DPP6: variants seen among roughly 807,000 people sequenced by gnomAD.
The protein encoded by DPP6 is dipeptidyl peptidase like 6, also known as A-type potassium channel modulatory protein DPP6.
A neutral mutation model predicts 122.6 loss-of-function variants in DPP6; 69 were observed. The observed-to-expected ratio is 0.56, with a 90% CI of 0.46 to 0.69. The LOEUF (loss-of-function observed/expected upper bound fraction) is 0.69, where lower values mean the gene tolerates loss of function less well. Among genes scored for constraint, DPP6 ranks in the 30% least tolerant of loss-of-function variants. The pLI is 0.00. For synonymous variants in DPP6, 418 were observed against 433.1 expected, an observed-to-expected ratio of 0.97 and a Z score of 0.43; for missense variants, 928 against 1,116.9, an observed-to-expected ratio of 0.83 and a Z score of 2.41.
chr7:153,876,001 T>A, the DPP6 span, among the ~76,000 whole-genome samples: 1 of 149,562 alleles, frequency 6.7e-6, no homozygotes, highest in Non-Finnish European at 1.5e-5. Flanking sequence ...AATTGGCATA[T>A]ATAATTTTGC....
chr7:153,962,474 A>G (rs71545665), intron 1 of DPP6, among the ~76,000 whole-genome samples: 13,033 of 152,066 alleles, frequency 0.086, 753 homozygotes, highest in African/African-American at 0.16. Context: ...CTGGTTAACA[A>G]TCTAAGATCA....
intron 1 of DPP6, among the ~76,000 whole-genome samples, chr7:154,283,178 GTTGTC>G: frequency 6.6e-6 from 1 of 152,090 alleles, no homozygotes; most frequent in Non-Finnish European, 1.5e-5. Flanking sequence ...TGGGATCCCC[GTTGTC>G]TTGTCCTAGG....
chr7:154,719,170 T>C (rs1841665425), intron 7 of DPP6, among the ~76,000 whole-genome samples: 1 of 152,184 alleles, frequency 6.6e-6, no homozygotes, highest in Non-Finnish European at 1.5e-5. Flanking sequence ...GTACAGAGGC[T>C]ACTGTGGCGG....
intron 1 of DPP6, among the ~76,000 whole-genome samples, chr7:154,141,316 T>A (rs142982786): frequency 6.6e-6 from 1 of 152,242 alleles, no homozygotes; most frequent in African/African-American, 2.4e-5. Context: ...AAACACCATA[T>A]GCACCTTACG....
chr7:154,703,936 CAA>C (rs201268829), intron 7 of DPP6, among the ~76,000 whole-genome samples: 19 of 122,662 alleles, frequency 1.5e-4, no homozygotes, highest in Non-Finnish European at 8.8e-5. Flanking sequence ...GACTCTGTCT[CAA>C]AAAAAAAAAA....
At chr7:154,216,260 G>A (rs114465903) in intron 1 of DPP6, among the ~76,000 whole-genome samples, 23 of 152,304 alleles carry the variant, frequency 1.5e-4, no homozygotes, top group South Asian at 4.1e-4. Flanking sequence ...CATCCCCGGC[G>A]GACATGCCCA....
chr7:154,317,590 A>G (rs989175864), intron 1 of DPP6, among the ~76,000 whole-genome samples: 6 of 152,226 alleles, frequency 3.9e-5, no homozygotes, highest in Admixed American at 3.9e-4. Flanking sequence ...GCTAGTGTAT[A>G]TAATTGCATG....
chr7:154,465,419 A>G (rs1821697066), intron 2 of DPP6, among the ~76,000 whole-genome samples: 1 of 152,220 alleles, frequency 6.6e-6, no homozygotes, highest in Non-Finnish European at 1.5e-5. Flanking sequence ...AAGAGTGAAC[A>G]GGCAACCTAC....
At chr7:154,263,118 A>T (rs565114749) in intron 1 of DPP6, among the ~76,000 whole-genome samples, 1 of 152,352 alleles carries the variant, frequency 6.6e-6, no homozygotes, top group Non-Finnish European at 1.5e-5. Flanking sequence ...CATGATATAG[A>T]TAACCAACAG....
intron 1 of DPP6, among the ~76,000 whole-genome samples, chr7:153,929,738 G>T (rs1801087761): frequency 6.6e-6 from 1 of 152,098 alleles, no homozygotes; most frequent in Non-Finnish European, 1.5e-5. Context: ...TTTTAATCAT[G>T]ACCACCTTGA....
chr7:154,244,951 C>CTTT (rs745446498), intron 1 of DPP6, among the ~76,000 whole-genome samples: 4,651 of 133,154 alleles, frequency 0.035, 135 homozygotes, highest in East Asian at 0.12. Context: ...TCTAAAGGGA[C>CTTT]TTTTTTTTTT....
rs565914024 is a variant in DPP6, at chr7:154,735,037, G to A, written c.883+7150G>A. Among the ~76,000 whole-genome samples, 39 of 152,262 alleles carry A rather than the reference G, an allele frequency of 2.6e-4. No homozygotes were observed. The Middle Eastern group carries it at 0.021, about 80-fold the overall frequency. ...TATTTCATTTGCAATGTCAGGAATC[G>A]GAAGCATTAATGTGTAATTAATGAT... On this transcript the variant is annotated intron_variant, in intron 8 of 25. Transcript: ENST00000377770.
chr7:154,108,259 C>G (rs1377392622), intron 1 of DPP6, among the ~76,000 whole-genome samples: 2 of 152,160 alleles, frequency 1.3e-5, no homozygotes, highest in Non-Finnish European at 2.9e-5. Flanking sequence ...AGGCCAGCCT[C>G]TCAGCCACCA....
chr7:154,387,438 A>G (rs1028502661), intron 1 of DPP6, among the ~76,000 whole-genome samples: 2 of 152,230 alleles, frequency 1.3e-5, no homozygotes, highest in Admixed American at 1.3e-4. Flanking sequence ...GGGAGAATTC[A>G]GGAAGGCTTC....
At chr7:154,221,748 G>C (rs1800319525) in intron 1 of DPP6, among the ~76,000 whole-genome samples, 1 of 152,158 alleles carries the variant, frequency 6.6e-6, no homozygotes, top group Non-Finnish European at 1.5e-5. Context: ...AGCTGGCTAT[G>C]TGAAGGCATC....
intron 7 of DPP6, among the ~76,000 whole-genome samples, chr7:154,703,796 G>A (rs1024344922): frequency 1.3e-4 from 20 of 152,048 alleles, no homozygotes; most frequent in African/African-American, 4.8e-4. Flanking sequence ...AATTAGCAGG[G>A]CGTGGTGGTG....
At chr7:153,907,887 T>TA (rs1191453638) in intron 1 of DPP6, among the ~76,000 whole-genome samples, 2 of 152,156 alleles carry the variant, frequency 1.3e-5, no homozygotes, top group Admixed American at 6.5e-5. Flanking sequence ...CGCTGACTGA[T>TA]ACACTAGGAA....
At chr7:153,934,711 A>T (rs1426362134) in intron 1 of DPP6, among the ~76,000 whole-genome samples, 1 of 152,168 alleles carries the variant, frequency 6.6e-6, no homozygotes, top group Non-Finnish European at 1.5e-5. Flanking sequence ...AGTTTCTAGG[A>T]CCACAGAGAC....
At chr7:154,628,512 G>GA (rs1177558482) in intron 5 of DPP6, among the ~76,000 whole-genome samples, 1 of 152,114 alleles carries the variant, frequency 6.6e-6, no homozygotes, top group Non-Finnish European at 1.5e-5. Context: ...AGAAAAAAGT[G>GA]ACACCCTCAA....
Sources: gnomAD v4.1 joint callset for allele counts (sites outside exome capture counted in the v4.1 genomes callset) on GRCh38, gnomAD v4.1.1 for gene constraint, MANE v1.5 for transcripts, NCBI Gene and HGNC (gene_info 2026-07-23, HGNC 2026-07-21) for gene names.